The following OLFM3 variants were observed in gnomAD, a reference collection of about 807,000 sequenced individuals.
OLFM3 encodes the protein olfactomedin 3, also known as noelin-3.
In OLFM3, 20 loss-of-function variants were observed where a neutral mutation model predicts 48.6. The ratio of observed to expected loss-of-function variants is 0.41; its 90% CI spans 0.29 to 0.60. The LOEUF (loss-of-function observed/expected upper bound fraction) is 0.60. Ranked by LOEUF, OLFM3 falls within the 20% of genes least tolerant of loss-of-function variation. The pLI is 0.28. For missense variants in OLFM3, 437 were observed against 544.3 expected (o/e 0.80, Z 1.96); for synonymous variants, 222 against 198.1 (o/e 1.12, Z -1.01).
chr1:101,861,331 G>A (rs540047385), intron 1 of OLFM3, among the ~76,000 whole-genome samples: 1 of 151,656 alleles, frequency 6.6e-6, no homozygotes, highest in South Asian at 2.1e-4. Context: ...CAAAGTGCTG[G>A]GATTACAGGC....
At chr1:101,996,269 C>T (rs1661552859) in intron 1 of OLFM3, among the ~76,000 whole-genome samples, 1 of 152,182 alleles carries the variant, frequency 6.6e-6, no homozygotes, top group African/African-American at 2.4e-5. Context: ...AGCAGCATCC[C>T]AAATGTTTTG....
At chr1:101,873,590 A>G (rs1557710920) in intron 1 of OLFM3, among the ~76,000 whole-genome samples, 1 of 151,798 alleles carries the variant, frequency 6.6e-6, no homozygotes, top group Non-Finnish European at 1.5e-5. Context: ...CAACTTTTTC[A>G]TGGTTATGAG....
intron 2 of OLFM3, 89 bp downstream of exon 2, chr1:101,836,790 C>T: frequency 7.5e-7 from 1 of 1,325,304 alleles, no homozygotes; most frequent in Non-Finnish European, 1.1e-6. Context: ...CAAAAGAATC[C>T]TCTTCATTAT....
At chr1:101,971,054 T>G (rs1450356764) in intron 1 of OLFM3, among the ~76,000 whole-genome samples, 2 of 152,232 alleles carry the variant, frequency 1.3e-5, no homozygotes, top group Non-Finnish European at 2.9e-5. Context: ...GAAACTGTTT[T>G]GATGACTTTT....
intron 1 of OLFM3, among the ~76,000 whole-genome samples, chr1:101,855,525 T>A (rs1171250194): frequency 6.6e-6 from 1 of 152,130 alleles, no homozygotes; most frequent in Non-Finnish European, 1.5e-5. Context: ...ATTAGAATTA[T>A]GTGGGTGAAG....
intron 1 of OLFM3, among the ~76,000 whole-genome samples, chr1:101,891,725 G>A (rs931520657): frequency 1.3e-5 from 2 of 151,856 alleles, no homozygotes; most frequent in Admixed American, 1.3e-4. Context: ...ATAAATGTTA[G>A]TGGCCAAATC....
chr1:101,932,475 AG>A (rs1659472655), intron 1 of OLFM3, among the ~76,000 whole-genome samples: 1 of 152,122 alleles, frequency 6.6e-6, no homozygotes, highest in African/African-American at 2.4e-5. Flanking sequence ...CTGAAGGGGG[AG>A]GAAGCTGGGA....
At chr1:101,922,894 G>A (rs574589680) in intron 1 of OLFM3, among the ~76,000 whole-genome samples, 1 of 152,196 alleles carries the variant, frequency 6.6e-6, no homozygotes, top group African/African-American at 2.4e-5. Flanking sequence ...TTTATGATGA[G>A]GGGAGTACTG....
chr1:101,940,529 GTCTATCTATCTATGTA>G (rs1659759362), intron 1 of OLFM3, among the ~76,000 whole-genome samples: 1 of 150,814 alleles, frequency 6.6e-6, no homozygotes, highest in Non-Finnish European at 1.5e-5. Context: ...TATATCATCT[GTCTATCTATCTATGTA>G]TCTATCTATC....
chr1:101,837,159 G>C (rs1329115777), intron 1 of OLFM3, 134 bp from the exon 2 acceptor site: 2 of 886,974 alleles, frequency 2.3e-6, no homozygotes, highest in Non-Finnish European at 3.3e-6. Flanking sequence ...AGTTAGCAGA[G>C]AGATATTAAA....
chr1:101,903,775 A>C (rs1269267909), intron 1 of OLFM3, among the ~76,000 whole-genome samples: 1 of 152,032 alleles, frequency 6.6e-6, no homozygotes, highest in Non-Finnish European at 1.5e-5. Flanking sequence ...GAAATTTGGT[A>C]TCTGAAAAAC....
At chr1:101,836,688 C>A in intron 2 of OLFM3, among the ~76,000 whole-genome samples, 191 bp downstream of exon 2, 1 of 150,914 alleles carries the variant, frequency 6.6e-6, no homozygotes, top group African/African-American at 2.4e-5. Context: ...AGTAAAAAGT[C>A]ATAGAAATAG....
intron 1 of OLFM3, among the ~76,000 whole-genome samples, chr1:101,906,871 T>C (rs1013021046): frequency 6.6e-6 from 1 of 152,186 alleles, no homozygotes; most frequent in Non-Finnish European, 1.5e-5. Flanking sequence ...CATGAATACA[T>C]ATATGCACAC....
At chr1:101,910,204 C>G in intron 1 of OLFM3, 1 of 868,528 alleles carries the variant, frequency 1.2e-6, no homozygotes, top group Non-Finnish European at 1.4e-6. Flanking sequence ...CGGTCGCTCA[C>G]GCCTGTAATC....
chr1:101,930,329 C>G (rs947120865), intron 1 of OLFM3, among the ~76,000 whole-genome samples: 4 of 152,050 alleles, frequency 2.6e-5, no homozygotes, highest in African/African-American at 9.7e-5. Flanking sequence ...TGGCCATAGG[C>G]AAAGCACAAA....
chr1:101,990,816 C>T (rs1449773091), intron 1 of OLFM3, among the ~76,000 whole-genome samples: 4 of 150,570 alleles, frequency 2.7e-5, no homozygotes, highest in African/African-American at 9.8e-5. Flanking sequence ...GACCCCGTCT[C>T]TACTAAAAAT....
chr1:101,915,998 T>C (rs913597733), intron 1 of OLFM3, among the ~76,000 whole-genome samples: 1 of 152,042 alleles, frequency 6.6e-6, no homozygotes, highest in African/African-American at 2.4e-5. Flanking sequence ...ATTATCCCCA[T>C]TGTATATATG....
At chr1:101,891,594 G>T (rs1467909764) in intron 1 of OLFM3, among the ~76,000 whole-genome samples, 1 of 151,356 alleles carries the variant, frequency 6.6e-6, no homozygotes, top group African/African-American at 2.4e-5. Context: ...AGGTTCAAAA[G>T]CCCACTGAAT....
intron 1 of OLFM3, among the ~76,000 whole-genome samples, chr1:101,959,589 A>G (rs1660407355): frequency 6.6e-6 from 1 of 152,172 alleles, no homozygotes; most frequent in Admixed American, 6.5e-5. Flanking sequence ...AGTCTTAGAG[A>G]GATCTTTAAA....
Sources: allele counts gnomAD v4.1 joint callset (sites outside exome capture counted in the v4.1 genomes callset), GRCh38; gene constraint gnomAD v4.1.1; transcripts MANE v1.5; gene names NCBI Gene and HGNC (gene_info 2026-07-23, HGNC 2026-07-21).